The following HMCN1 variants were observed in gnomAD, a reference collection of about 807,000 sequenced individuals.
HMCN1 encodes the protein hemicentin-1.
HMCN1 carries 321 observed loss-of-function variants against 625.9 expected under a neutral mutation model. The observed-to-expected ratio is 0.51, with a 90% CI of 0.47 to 0.56. The LOEUF (loss-of-function observed/expected upper bound fraction) is 0.56. HMCN1 is among the 20% of genes least tolerant of loss of function. The pLI, the probability that HMCN1 is intolerant of heterozygous loss-of-function variation, is 0.00. For synonymous variants in HMCN1, 2,425 were observed against 2,417.6 expected (o/e 1.00, Z -0.09); for missense variants, 6,588 against 6,887.3 (o/e 0.96, Z 1.54).
intron 102 of HMCN1, 94 bp from the exon 103 acceptor site, chr1:186,174,420 A>G: frequency 6.8e-7 from 1 of 1,463,538 alleles, no homozygotes; most frequent in Non-Finnish European, 9.5e-7. Context: ...TGAGAAATGC[A>G]ACCTTTGGCA....
At chr1:185,885,481 T>C (rs1664587626) in intron 4 of HMCN1, among the ~76,000 whole-genome samples, 1 of 151,914 alleles carries the variant, frequency 6.6e-6, no homozygotes, top group Non-Finnish European at 1.5e-5. Context: ...CCTTATTACC[T>C]GTGTTAAAAA....
chr1:186,088,174 G>A lies in HMCN1; in HGVS notation c.9475G>A (p.Glu3159Lys), dbSNP rs747548086. The A allele has an allele frequency of 4.2e-5, 67 of 1,611,256 alleles. No homozygotes were observed. Among genetic ancestry groups the A allele is most frequent in the Non-Finnish European group, 5.3e-5 (62 of 1,178,550 alleles). The change falls in exon 62 of 107, where the codon GAA becomes AAA. Residue 3159 changes from glutamate (E) to lysine (K), a missense_variant. Coordinates refer to ENST00000271588, the MANE Select transcript of HMCN1 (RefSeq NM_031935.3). The stretch of plus-strand genomic sequence containing the variant: ...ACCCAGTATTGAAGGACCTGAAAGA[G>A]AAGTGATTGTGGAGACGATCAGCAA... Reference protein sequence around the residue: ...VPPSIEGPEREVIVETISNPV... With the variant: ...VPPSIEGPERKVIVETISNPV...
At chr1:185,754,102 T>C (rs954263705) in intron 1 of HMCN1, among the ~76,000 whole-genome samples, 2 of 152,132 alleles carry the variant, frequency 1.3e-5, no homozygotes, top group Admixed American at 1.3e-4. Flanking sequence ...AGAAAGGAAA[T>C]TTTGACATTC....
In HMCN1 at chr1:185,842,105, CTT is replaced by C. The variant is rs549521465; in HGVS notation, c.269-3918_269-3917del. Among the ~76,000 whole-genome samples, 22 of 152,282 alleles carry C rather than the reference CTT, an allele frequency of 1.4e-4. 1 individual carries two copies. The South Asian group carries it at 4.6e-3, about 32-fold the overall frequency. ...GTGCTGTTACGCTACCTTTTCCACA[CTT>C]TTATTTCTGCCCTTACTACATAGTA... is the stretch of plus-strand genomic sequence containing the variant. On this transcript the variant is annotated intron_variant, in intron 1 of 106. Coordinates refer to ENST00000271588, the MANE Select transcript of HMCN1 (RefSeq NM_031935.3).
chr1:185,897,023 C>G (rs1398623206), intron 4 of HMCN1, among the ~76,000 whole-genome samples: 1 of 152,100 alleles, frequency 6.6e-6, no homozygotes, highest in Non-Finnish European at 1.5e-5. Context: ...TAATTCTGGT[C>G]ATAGTTAAAT....
intron 2 of HMCN1, among the ~76,000 whole-genome samples, chr1:185,847,771 G>A (rs1661914949): frequency 6.6e-6 from 1 of 151,990 alleles, no homozygotes; most frequent in African/African-American, 2.4e-5. Flanking sequence ...TGGGCGCATA[G>A]TGAGACCCTG....
chr1:185,999,265 T>C (rs1013769530), intron 25 of HMCN1, among the ~76,000 whole-genome samples: 15 of 152,080 alleles, frequency 9.9e-5, no homozygotes, highest in Admixed American at 3.3e-4. Flanking sequence ...GATTAAATAA[T>C]TTTTTTAAAT....
intron 36 of HMCN1, among the ~76,000 whole-genome samples, chr1:186,032,571 A>G (rs1461779417): frequency 3.9e-5 from 6 of 152,052 alleles, no homozygotes; most frequent in Non-Finnish European, 8.8e-5. Flanking sequence ...TGCTGCTACT[A>G]TGTGAAGAAG....
chr1:185,778,953 C>T (rs991612515), intron 1 of HMCN1, among the ~76,000 whole-genome samples: 1 of 152,130 alleles, frequency 6.6e-6, no homozygotes, highest in Admixed American at 6.5e-5. Flanking sequence ...CTAGTTTACA[C>T]TGCCACCAAC....
In HMCN1 at chr1:186,067,834, T is replaced by A; in HGVS notation, c.7706T>A (p.Val2569Glu). ...TTCAACAAATTTTCATCTTTTTCAG[T>A]ATCTCCTACAATTGCTGGTGTAGGT... ...KSRSFSLNVFVSPTIAGVGSD... is the reference protein window; with the variant it reads ...KSRSFSLNVFESPTIAGVGSD... The change falls in exon 50 of 107, where the codon GTA (valine) becomes GAA (glutamate). Residue 2569 changes from valine (V) to glutamate (E), a missense_variant and splice_region_variant. Physicochemically the swap from Val to Glu is moderately radical, Grantham distance 121. Around this residue, in one of 3 missense-constraint regions of HMCN1, gnomAD observed 4,628 missense variants for 4,853.1 expected, o/e 0.95. Transcript: ENST00000271588. 6.2e-7 allele frequency: 1 copy of A among 1,604,236 alleles called. No individual in the cohort carries two copies. Among genetic ancestry groups the A allele is most frequent in the Non-Finnish European group, 8.5e-7 (1 of 1,171,110 alleles).
rs1371222142 is a variant in HMCN1, at chr1:186,070,755, C to A, written c.8137C>A (p.Gln2713Lys). ...CTCCCTCAGCTGGTACAAGGATGGA[C>A]AGGCCAGTCACAACTTTTTTCATTT... ...SASLSWYKDG[Q>K]PLKSDDHVNI... is the part of the protein sequence containing the mutation. The change falls in exon 52 of 107, where the codon CAG (glutamine) becomes AAG (lysine). Residue 2713 changes from glutamine to lysine, a missense_variant and splice_region_variant. Gln to Lys is a moderately conservative substitution (Grantham distance 53, BLOSUM62 1). Transcript: ENST00000271588. 1 of 1,613,756 alleles carries A rather than the reference C, an allele frequency of 6.2e-7. No homozygotes were observed. Among genetic ancestry groups the A allele is most frequent in the Admixed American group, 1.7e-5 (1 of 59,992 alleles).
At chr1:186,091,056 A>C (rs1240979329) in intron 64 of HMCN1, 139 bp downstream of exon 64, 3 of 999,776 alleles carry the variant, frequency 3.0e-6, no homozygotes, top group Non-Finnish European at 3.0e-6. Flanking sequence ...AGAAACAAAA[A>C]ACTTTTTTTT....
intron 42 of HMCN1, among the ~76,000 whole-genome samples, chr1:186,050,672 TAAAG>T (rs1335306221): frequency 6.6e-6 from 1 of 152,016 alleles, no homozygotes; most frequent in Admixed American, 6.6e-5. Flanking sequence ...CAGTACCTCT[TAAAG>T]AAAAGCAGTG....
At chr1:185,788,253 A>C (rs1418369778) in intron 1 of HMCN1, among the ~76,000 whole-genome samples, 1 of 152,258 alleles carries the variant, frequency 6.6e-6, no homozygotes, top group Non-Finnish European at 1.5e-5. Context: ...GCATTTATTT[A>C]AGTGGCATTA....
At chr1:186,183,691 T>C (rs988427865) in intron 105 of HMCN1, among the ~76,000 whole-genome samples, 7 of 152,156 alleles carry the variant, frequency 4.6e-5, no homozygotes, top group African/African-American at 1.7e-4. Context: ...ATCAGAGTGA[T>C]TATGTGAGCC....
In HMCN1 at chr1:186,110,977, C is replaced by CTTTTTTTTTTTTTTTTTTTTTTTTTTT. The variant is rs557887846; in HGVS notation, c.10990-1814_10990-1813insTTTTTTTTTTTTTTTTTTTTTTTTTTT. ...TACGGAAGAAAAACCAGAGAAAATT[C>CTTTTTTTTTTTTTTTTTTTTTTTTTTT]TTTTTTTTTTTTTTTTTTTTTGAGA... is the stretch of plus-strand genomic sequence containing the variant. On this transcript the variant is annotated intron_variant, in intron 71 of 106. Coordinates refer to ENST00000271588, the MANE Select transcript of HMCN1 (RefSeq NM_031935.3). Among the ~76,000 whole-genome samples, 90 of 61,632 alleles carry CTTTTTTTTTTTTTTTTTTTTTTTTTTT rather than the reference C, an allele frequency of 1.5e-3. 21 individuals carry two copies. Among genetic ancestry groups the CTTTTTTTTTTTTTTTTTTTTTTTTTTT allele is most frequent in the East Asian group, 3.7e-3 (6 of 1,624 alleles). The allele number at this position is 61,632 out of a possible 152,430, so 40.4% of individuals were successfully genotyped here.
chr1:185,809,440 A>G (rs1411386684), intron 1 of HMCN1, among the ~76,000 whole-genome samples: 1 of 151,004 alleles, frequency 6.6e-6, no homozygotes, highest in East Asian at 1.9e-4. Flanking sequence ...CATTATATAT[A>G]CTATAACATA....
chr1:186,125,513 GAA>G lies in HMCN1; in HGVS notation c.12500-88_12500-87del, dbSNP rs1037529403. 8 of 989,688 alleles carry G rather than the reference GAA, an allele frequency of 8.1e-6. 1 individual carries two copies. The African/African-American group carries it at 1.1e-4, about 14-fold the overall frequency. The allele number at this position is 989,688 out of a possible 1,614,324, so 61.3% of individuals were successfully genotyped here. A position where few individuals can be genotyped will look rare whatever the true frequency, so the allele number is the denominator to read the frequency against. ...TTAGTATTTCTAGCAAAATTACCCTGAAAAGAGTTTTTTATGTGTTAATTTTT... is the reference window on the plus strand; with the variant it reads ...TTAGTATTTCTAGCAAAATTACCCTGAAGAGTTTTTTATGTGTTAATTTTT... On this transcript the variant is annotated intron_variant, in intron 81 of 106. Coordinates refer to ENST00000271588, the MANE Select transcript of HMCN1 (RefSeq NM_031935.3).
intron 7 of HMCN1, 51 bp from the exon 8 acceptor site, chr1:185,923,339 A>C (rs760941678): frequency 2.2e-6 from 3 of 1,387,032 alleles, no homozygotes; most frequent in South Asian, 2.3e-5. Flanking sequence ...TTTGATATAT[A>C]ACTTCAATTG....
Sources: gnomAD v4.1 joint callset for allele counts (sites outside exome capture counted in the v4.1 genomes callset) on GRCh38, gnomAD v4.1.1 for gene constraint, gnomAD v4.1.1 regional missense constraint, MANE v1.5 for transcripts, NCBI Gene and HGNC (gene_info 2026-07-23, HGNC 2026-07-21) for gene names.